Variants in TAOK1 observed in about 807,000 individuals in gnomAD.
TAOK1 encodes serine/threonine-protein kinase TAO1.
Under a neutral mutation model 138.3 loss-of-function variants are expected in TAOK1, and 21 were observed. That is an observed-to-expected ratio of 0.15 (90% CI 0.11 to 0.22). TAOK1 has a LOEUF of 0.22. Among genes scored for constraint, TAOK1 ranks in the 10% least tolerant of loss-of-function variants. The probability of loss-of-function intolerance (pLI) is 1.00; values close to 1 mark genes in which losing one functional copy is unlikely to be tolerated. For missense variants in TAOK1, 651 were observed against 1,227.7 expected (o/e 0.53, Z 7.02); for synonymous variants, 361 against 398.4 (o/e 0.91, Z 1.12).
chr17:29,476,591 G>A (rs113598771), intron 4 of TAOK1, among the ~76,000 whole-genome samples: 1 of 152,308 alleles, frequency 6.6e-6, no homozygotes, highest in Non-Finnish European at 1.5e-5. Context: ...CAAAGAAACA[G>A]TTGTAACCTA....
chr17:29,393,156 GTCTGATTCT>G (rs1248444568), intron 1 of TAOK1, among the ~76,000 whole-genome samples: 1 of 152,170 alleles, frequency 6.6e-6, no homozygotes, highest in African/African-American at 2.4e-5. Context: ...ATGCCAGGAA[GTCTGATTCT>G]CCGTATTATG....
At position 29,549,246 on chromosome 17, in the gene TAOK1, T is replaced by C. The variant is rs2032450749; in HGVS notation, c.*6224T>C. On this transcript the variant is annotated 3_prime_UTR_variant, in exon 20 of 20. Coordinates refer to ENST00000261716, the MANE Select transcript of TAOK1 (RefSeq NM_020791.4). ...CAATTTAACCTCCCTTTCTCTGATATGCCTTGTAGCCAAAGTATTAAAGGC... is the reference window on the plus strand; with the variant it reads ...CAATTTAACCTCCCTTTCTCTGATACGCCTTGTAGCCAAAGTATTAAAGGC... 6.6e-6 allele frequency: 1 copy of C among 152,208 alleles called. No individual in the cohort carries two copies. The highest frequency in any genetic ancestry group is 1.5e-5 in the Non-Finnish European group (1 of 68,014). 9.4% of individuals were successfully genotyped at this position (152,208 alleles called of 1,614,324 possible). A position where few individuals can be genotyped will look rare whatever the true frequency, so the allele number is the denominator to read the frequency against.
At chr17:29,436,480 TAAC>T (rs1296112699) in intron 1 of TAOK1, among the ~76,000 whole-genome samples, 1 of 152,228 alleles carries the variant, frequency 6.6e-6, no homozygotes, top group Admixed American at 6.5e-5. Flanking sequence ...ATTAAAATGT[TAAC>T]AATCTCCAAA....
At chr17:29,498,583 A>G in intron 12 of TAOK1, 62 bp downstream of exon 12, 1 of 1,569,438 alleles carries the variant, frequency 6.4e-7, no homozygotes, top group Non-Finnish European at 8.8e-7. Context: ...TTCATCTGTT[A>G]GTTTAAGAGA....
At chr17:29,428,785 G>A (rs1172945615) in intron 1 of TAOK1, among the ~76,000 whole-genome samples, 1 of 119,548 alleles carries the variant, frequency 8.4e-6, no homozygotes, top group East Asian at 3.8e-4. Context: ...CACAACACCT[G>A]ACTAAATTTT....
At chr17:29,422,056 C>T (rs574787910) in intron 1 of TAOK1, among the ~76,000 whole-genome samples, 1 of 152,076 alleles carries the variant, frequency 6.6e-6, no homozygotes, top group South Asian at 2.1e-4. Flanking sequence ...TGCTACCACG[C>T]CCAGCTAATT....
At chr17:29,496,137 G>A (rs2031409046) in intron 11 of TAOK1, among the ~76,000 whole-genome samples, 1 of 151,876 alleles carries the variant, frequency 6.6e-6, no homozygotes. Context: ...TTTTGCTCTT[G>A]TTGCCCAGGT....
intron 1 of TAOK1, among the ~76,000 whole-genome samples, chr17:29,391,461 C>T (rs1904424796): frequency 6.6e-6 from 1 of 152,164 alleles, no homozygotes; most frequent in South Asian, 2.1e-4. Flanking sequence ...ATCTATACCC[C>T]TCTTCTGTAG....
chr17:29,542,005 G>C (rs939188017), intron 19 of TAOK1, among the ~76,000 whole-genome samples: 12 of 151,806 alleles, frequency 7.9e-5, no homozygotes, highest in Non-Finnish European at 1.5e-4. Context: ...CTCCTGAGTA[G>C]CTGGGACTAC....
At chr17:29,504,131 G>C (rs535076049) in intron 13 of TAOK1, among the ~76,000 whole-genome samples, 5 of 143,032 alleles carry the variant, frequency 3.5e-5, no homozygotes, top group South Asian at 4.4e-4. Flanking sequence ...AAAAATTTCA[G>C]CTGGGTGTGG....
At chr17:29,525,794 A>G (rs2031999681) in intron 17 of TAOK1, among the ~76,000 whole-genome samples, 1 of 152,176 alleles carries the variant, frequency 6.6e-6, no homozygotes, top group South Asian at 2.1e-4. Context: ...CATGAGGTCA[A>G]GAGACCATCC....
intron 2 of TAOK1, among the ~76,000 whole-genome samples, chr17:29,464,431 G>A (rs1449951318): frequency 1.4e-5 from 2 of 144,716 alleles, no homozygotes; most frequent in Non-Finnish European, 3.0e-5. Context: ...ACTACTAAGC[G>A]AGACTCCATC....
At chr17:29,464,565 T>C (rs946523910) in intron 2 of TAOK1, among the ~76,000 whole-genome samples, 3 of 152,186 alleles carry the variant, frequency 2.0e-5, no homozygotes, top group Non-Finnish European at 4.4e-5. Flanking sequence ...TTATATGGTA[T>C]ATGAATTATT....
intron 1 of TAOK1, among the ~76,000 whole-genome samples, chr17:29,403,201 G>A (rs951220397): frequency 2.7e-5 from 4 of 145,932 alleles, no homozygotes; most frequent in African/African-American, 1.0e-4. Context: ...GTGCTGCAAT[G>A]TGTTACATCT....
At position 29,522,335 on chromosome 17, in the gene TAOK1, A is replaced by G; in HGVS notation, c.1964A>G (p.Gln655Arg). ...KDLEHAMLLR[Q>R]HESMQELEFR... Reference sequence around the variant, plus strand: ...TTAGAGCATGCCATGCTACTCCGACAGCATGAATCTATGCAAGAACTGGAG... The same window carrying G: ...TTAGAGCATGCCATGCTACTCCGACGGCATGAATCTATGCAAGAACTGGAG... The change falls in exon 17 of 20, where the codon CAG becomes CGG. Residue 655 changes from glutamine to arginine, a missense_variant. Transcript: ENST00000261716. The G allele has an allele frequency of 6.2e-7, 1 of 1,614,248 alleles. No individual in the cohort carries two copies. Among genetic ancestry groups the G allele is most frequent in the Non-Finnish European group, 8.5e-7 (1 of 1,180,050 alleles).
In TAOK1 at chr17:29,545,129, C is replaced by T. The variant is rs602056; in HGVS notation, c.*2107C>T. 0.38 allele frequency: 57,420 copies of T among 152,036 alleles called. 12,066 individuals are homozygous for T. The highest frequency in any genetic ancestry group is 0.48 in the Non-Finnish European group (32,395 of 67,948). The allele number at this position is 152,036 out of a possible 1,614,324, so 9.4% of individuals were successfully genotyped here. On this transcript the variant is annotated 3_prime_UTR_variant, in exon 20 of 20. Coordinates refer to ENST00000261716, the MANE Select transcript of TAOK1 (RefSeq NM_020791.4). ...GCACTCTTATGTGTTGTTCTTTCAG[C>T]CCATGCTCCAGGTCACCGGTTTTTA... is the stretch of plus-strand genomic sequence containing the variant.
At chr17:29,511,708 GA>G (rs1474258834) in intron 15 of TAOK1, 1 of 151,774 alleles carries the variant, frequency 6.6e-6, no homozygotes, top group African/African-American at 2.4e-5. Flanking sequence ...ACTCCTGGCT[GA>G]TTTTTAAATT....
intron 15 of TAOK1, among the ~76,000 whole-genome samples, chr17:29,517,138 C>T (rs1338194249): frequency 1.3e-5 from 2 of 152,148 alleles, no homozygotes; most frequent in East Asian, 3.9e-4. Flanking sequence ...GGGCACCCGC[C>T]ACCATGCCCG....
chr17:29,534,407 A>C lies in TAOK1; in HGVS notation c.2544+107A>C, dbSNP rs926333757. On this transcript the variant is annotated intron_variant, in intron 19 of 19. Coordinates refer to ENST00000261716, the MANE Select transcript of TAOK1 (RefSeq NM_020791.4). ...AGAGGTCACATTAGATTTCTTTCAC[A>C]ATACCACATTTCCTGAATTCTAGTT... is the stretch of plus-strand genomic sequence containing the variant. 3.8e-6 allele frequency: 4 copies of C among 1,042,626 alleles called. No homozygotes were observed. In the African/African-American group the frequency reaches 4.9e-5, roughly 13 times the overall value. The allele number at this position is 1,042,626 out of a possible 1,614,324, so 64.6% of individuals were successfully genotyped here. A position where few individuals can be genotyped will look rare whatever the true frequency, so the allele number is the denominator to read the frequency against.
Sources: gnomAD v4.1 joint callset for allele counts (sites outside exome capture counted in the v4.1 genomes callset) on GRCh38, gnomAD v4.1.1 for gene constraint, MANE v1.5 for transcripts, NCBI Gene and HGNC (gene_info 2026-07-23, HGNC 2026-07-21) for gene names.